CDK14: variants seen among roughly 807,000 people sequenced by gnomAD.
The protein encoded by CDK14 is cyclin dependent kinase 14.
In CDK14, 34 loss-of-function variants were observed where a neutral mutation model predicts 60.7. That is an observed-to-expected ratio of 0.56 (90% CI 0.43 to 0.75). The LOEUF (loss-of-function observed/expected upper bound fraction) is 0.75, where lower values mean the gene tolerates loss of function less well. CDK14 is among the 30% of genes least tolerant of loss of function. The pLI is 0.00. For missense variants in CDK14, 482 were observed against 564.1 expected (o/e 0.85, Z 1.47); for synonymous variants, 197 against 203.7 (o/e 0.97, Z 0.28).
chr7:91,176,693 A>C (rs1289361717), intron 14 of CDK14, among the ~76,000 whole-genome samples: 2 of 152,064 alleles, frequency 1.3e-5, no homozygotes, highest in Admixed American at 6.5e-5. Flanking sequence ...CTATGCAAAT[A>C]AACTAGAAAA....
intron 2 of CDK14, among the ~76,000 whole-genome samples, chr7:90,693,674 G>A (rs1380102581): frequency 6.6e-6 from 1 of 152,130 alleles, no homozygotes; most frequent in Non-Finnish European, 1.5e-5. Context: ...GTGCTCCTAA[G>A]TCCCAGCGAC....
intron 6 of CDK14, among the ~76,000 whole-genome samples, chr7:90,885,563 G>A (rs1411494237): frequency 6.6e-6 from 1 of 152,150 alleles, no homozygotes; most frequent in African/African-American, 2.4e-5. Context: ...TCCCATTATA[G>A]GGTATATACC....
chr7:90,999,081 C>T (rs566334926), intron 10 of CDK14, among the ~76,000 whole-genome samples: 15 of 152,044 alleles, frequency 9.9e-5, no homozygotes, highest in African/African-American at 3.1e-4. Context: ...CCACCAGTTC[C>T]ATCATGGGGG....
chr7:91,183,966 A>G (rs979960502), intron 14 of CDK14, among the ~76,000 whole-genome samples: 1 of 152,160 alleles, frequency 6.6e-6, no homozygotes, highest in Non-Finnish European at 1.5e-5. Flanking sequence ...AGGCCAAGGC[A>G]GGAGGATCAC....
At chr7:90,646,644 C>T (rs1233664264) in intron 2 of CDK14, among the ~76,000 whole-genome samples, 1 of 152,124 alleles carries the variant, frequency 6.6e-6, no homozygotes, top group African/African-American at 2.4e-5. Flanking sequence ...CTATGGGTCT[C>T]TTCCCCACCT....
intron 14 of CDK14, among the ~76,000 whole-genome samples, chr7:91,199,228 C>G (rs1487898496): frequency 6.6e-6 from 1 of 152,116 alleles, no homozygotes; most frequent in East Asian, 1.9e-4. Flanking sequence ...GTCATTAAAA[C>G]TGTTTCAATG....
intron 6 of CDK14, among the ~76,000 whole-genome samples, chr7:90,870,566 TC>T (rs1292419758): frequency 6.6e-6 from 1 of 152,182 alleles, no homozygotes; most frequent in Non-Finnish European, 1.5e-5. Context: ...AGGGCATACT[TC>T]CGTTTTTCCC....
intron 11 of CDK14, among the ~76,000 whole-genome samples, chr7:91,078,287 T>G (rs1798381564): frequency 6.6e-6 from 1 of 152,144 alleles, no homozygotes; most frequent in Non-Finnish European, 1.5e-5. Flanking sequence ...GTACTTCTAT[T>G]TTATAGAACG....
chr7:90,606,724 G>A (rs1000710960), intron 2 of CDK14, among the ~76,000 whole-genome samples: 4 of 152,188 alleles, frequency 2.6e-5, no homozygotes, highest in East Asian at 3.8e-4. Flanking sequence ...TAATCCCTGA[G>A]TGTGTTGCTC....
intron 5 of CDK14, among the ~76,000 whole-genome samples, chr7:90,848,141 G>A (rs1057245053): frequency 4.0e-5 from 6 of 151,722 alleles, no homozygotes; most frequent in Non-Finnish European, 8.8e-5. Flanking sequence ...TTAACCTGTC[G>A]CCCAGGCTGA....
chr7:91,025,237 A>G (rs1387773744), intron 10 of CDK14, among the ~76,000 whole-genome samples: 1 of 152,132 alleles, frequency 6.6e-6, no homozygotes, highest in African/African-American at 2.4e-5. Context: ...TTTGCACTAT[A>G]CTGCGGTTGT....
At chr7:91,131,337 T>C (rs6963088) in intron 14 of CDK14, among the ~76,000 whole-genome samples, 17,430 of 152,050 alleles carry the variant, frequency 0.11, 1,409 homozygotes, top group East Asian at 0.37. Flanking sequence ...TGTCAAGAAG[T>C]ACATGATATC....
rs150761788 is a variant in CDK14, at chr7:91,134,094, G to T, written c.*28+15886G>T. Among the ~76,000 whole-genome samples the T allele has an allele frequency of 7.9e-3, 1,205 of 152,238 alleles. 14 individuals are homozygous for T. The highest frequency in any genetic ancestry group is 0.027 in the African/African-American group (1,139 of 41,520). On this transcript the variant is annotated intron_variant, in intron 14 of 14. Transcript: ENST00000380050. ...TTCTCCACCTGCTGCTAATCTCAAT[G>T]GGCTTTTCAAAAGGTGAGGGCTTTT...
intron 14 of CDK14, among the ~76,000 whole-genome samples, chr7:91,203,343 C>T (rs983498172): frequency 6.6e-6 from 1 of 152,184 alleles, no homozygotes; most frequent in Non-Finnish European, 1.5e-5. Flanking sequence ...TTTATTCATT[C>T]AACAACTGTA....
chr7:90,897,817 T>C (rs1177756770), intron 6 of CDK14, among the ~76,000 whole-genome samples: 1 of 152,128 alleles, frequency 6.6e-6, no homozygotes, highest in Non-Finnish European at 1.5e-5. Flanking sequence ...TACATAAAAG[T>C]ATTCCCATCT....
chr7:90,645,595 C>T (rs1473408918), intron 2 of CDK14, among the ~76,000 whole-genome samples: 1 of 151,732 alleles, frequency 6.6e-6, no homozygotes, highest in African/African-American at 2.4e-5. Flanking sequence ...GGGTATTTTC[C>T]TCCTTTTTTT....
chr7:90,698,225 GT>G (rs1159154431), intron 2 of CDK14, among the ~76,000 whole-genome samples: 4 of 152,142 alleles, frequency 2.6e-5, no homozygotes, highest in Admixed American at 2.6e-4. Context: ...AAATTATACT[GT>G]TCTGGTACTA....
intron 3 of CDK14, among the ~76,000 whole-genome samples, chr7:90,729,036 ATT>A (rs1245034908): frequency 7.0e-6 from 1 of 143,092 alleles, no homozygotes. Flanking sequence ...CTTTCTCATG[ATT>A]TTTTTTTTTT....
At chr7:91,036,179 G>A (rs1796929483) in intron 10 of CDK14, among the ~76,000 whole-genome samples, 1 of 152,186 alleles carries the variant, frequency 6.6e-6, no homozygotes, top group Non-Finnish European at 1.5e-5. Flanking sequence ...CAAGGTATCA[G>A]CTGGGGCAGC....
Sources: gnomAD v4.1 joint callset for allele counts (sites outside exome capture counted in the v4.1 genomes callset) on GRCh38, gnomAD v4.1.1 for gene constraint, MANE v1.5 for transcripts, NCBI Gene and HGNC (gene_info 2026-07-23, HGNC 2026-07-21) for gene names.